The following P3H2 variants were observed in gnomAD, a reference collection of about 807,000 sequenced individuals.
P3H2 encodes the protein prolyl 3-hydroxylase 2, also known as leprecan-like 1.
A neutral mutation model predicts 87.0 loss-of-function variants in P3H2; 80 were observed. That is an observed-to-expected ratio of 0.92 (90% confidence interval 0.77 to 1.11). The LOEUF (loss-of-function observed/expected upper bound fraction) is 1.11. Among genes scored for constraint, P3H2 ranks in the 50% least tolerant of loss-of-function variants. The probability of loss-of-function intolerance (pLI) is 0.00; values close to 1 mark genes in which losing one functional copy is unlikely to be tolerated. For synonymous variants in P3H2, 367 were observed against 359.3 expected, an observed-to-expected ratio of 1.02 and a Z score of -0.24; for missense variants, 1,001 against 923.9, an observed-to-expected ratio of 1.08 and a Z score of -1.08.
chr3:190,103,783 G>A (rs1322580815), intron 1 of P3H2, among the ~76,000 whole-genome samples: 2 of 152,020 alleles, frequency 1.3e-5, no homozygotes, highest in African/African-American at 4.8e-5. Flanking sequence ...TTCAACATTA[G>A]AAAAGTTTTT....
intron 14 of P3H2, chr3:189,963,534 TCC>T: frequency 9.6e-6 from 2 of 207,292 alleles, no homozygotes; most frequent in Non-Finnish European, 2.0e-5. Context: ...AATTTACGCC[TCC>T]CAGGTTCAAG....
intron 1 of P3H2, among the ~76,000 whole-genome samples, chr3:190,044,812 T>C (rs1252911198): frequency 6.6e-6 from 1 of 152,198 alleles, no homozygotes; most frequent in Non-Finnish European, 1.5e-5. Context: ...CTATTGTCAC[T>C]ATGATTTAGC....
chr3:190,073,081 T>C (rs924861541), intron 1 of P3H2, among the ~76,000 whole-genome samples: 1 of 152,290 alleles, frequency 6.6e-6, no homozygotes, highest in East Asian at 1.9e-4. Context: ...ATAGAAACAG[T>C]AGTTTGTGAT....
chr3:190,114,329 G>T (rs947350879), intron 1 of P3H2, among the ~76,000 whole-genome samples: 3 of 150,358 alleles, frequency 2.0e-5, no homozygotes, highest in Non-Finnish European at 4.4e-5. Flanking sequence ...GACTACAGGC[G>T]CCTGCCACCA....
At chr3:190,030,697 G>A (rs1056249648) in intron 1 of P3H2, among the ~76,000 whole-genome samples, 1 of 152,244 alleles carries the variant, frequency 6.6e-6, no homozygotes, top group South Asian at 2.1e-4. Flanking sequence ...AGTAATGAAA[G>A]TAAACATGCT....
chr3:190,023,451 G>T (rs1471917624), intron 1 of P3H2, among the ~76,000 whole-genome samples: 1 of 152,174 alleles, frequency 6.6e-6, no homozygotes, highest in Non-Finnish European at 1.5e-5. Flanking sequence ...GATGGCGAAG[G>T]GGAAGCAATG....
intron 1 of P3H2, among the ~76,000 whole-genome samples, chr3:190,095,803 C>T (rs1039645711): frequency 3.3e-5 from 5 of 151,944 alleles, no homozygotes; most frequent in African/African-American, 9.7e-5. Flanking sequence ...GGGGTTTCAC[C>T]ATGTTAGCCA....
chr3:190,066,158 T>TATATATATATATATACAC (rs1256956930), intron 1 of P3H2, among the ~76,000 whole-genome samples: 2 of 134,600 alleles, frequency 1.5e-5, no homozygotes, highest in Admixed American at 7.4e-5. Flanking sequence ...TATATATATA[T>TATATATATATATATACAC]ACACACACAC....
chr3:190,044,481 G>A (rs182957618), intron 1 of P3H2, among the ~76,000 whole-genome samples: 79 of 152,272 alleles, frequency 5.2e-4, no homozygotes, highest in South Asian at 3.1e-3. Context: ...CATCTGCCTC[G>A]CTTGTGGTCC....
chr3:190,025,400 T>A (rs577271030), intron 1 of P3H2, among the ~76,000 whole-genome samples: 41 of 152,340 alleles, frequency 2.7e-4, no homozygotes, highest in African/African-American at 8.4e-4. Flanking sequence ...TAGTCAAGAC[T>A]GTACACTCTA....
intron 1 of P3H2, among the ~76,000 whole-genome samples, chr3:190,030,909 TCAC>T (rs1725232132): frequency 6.6e-6 from 1 of 152,190 alleles, no homozygotes; most frequent in South Asian, 2.1e-4. Context: ...TTGGAAAACA[TCAC>T]TTTGATCTTA....
At chr3:189,996,903 T>G (rs1468858551) in intron 1 of P3H2, among the ~76,000 whole-genome samples, 2 of 152,204 alleles carry the variant, frequency 1.3e-5, no homozygotes, top group Non-Finnish European at 2.9e-5. Flanking sequence ...AAAAAAGAAT[T>G]TTGAACCACC....
chr3:190,040,096 G>C (rs958840581), intron 1 of P3H2, among the ~76,000 whole-genome samples: 5 of 152,088 alleles, frequency 3.3e-5, no homozygotes, highest in South Asian at 2.1e-4. Context: ...AATAATTCAA[G>C]ATGCGTATCT....
chr3:189,961,435 C>T (rs1722807555), intron 14 of P3H2, among the ~76,000 whole-genome samples: 1 of 152,036 alleles, frequency 6.6e-6, no homozygotes, highest in African/African-American at 2.4e-5. Context: ...GAACTGAGAC[C>T]CTTTAAAGTA....
At chr3:190,070,664 A>G (rs1267903034) in intron 1 of P3H2, among the ~76,000 whole-genome samples, 2 of 152,206 alleles carry the variant, frequency 1.3e-5, no homozygotes, top group African/African-American at 4.8e-5. Context: ...CCCTTCTCAC[A>G]TTAAAGTTCT....
intron 1 of P3H2, among the ~76,000 whole-genome samples, chr3:190,059,868 C>A (rs61325810): frequency 0.13 from 19,074 of 152,054 alleles, 1,484 homozygotes; most frequent in Middle Eastern, 0.22. Flanking sequence ...GATTCCTTCT[C>A]GTCATCTGAG....
intron 10 of P3H2, among the ~76,000 whole-genome samples, chr3:189,973,430 T>C (rs1234830362): frequency 6.6e-6 from 1 of 151,656 alleles, no homozygotes; most frequent in African/African-American, 2.4e-5. Context: ...TTAACTACAA[T>C]GAAGGTTTCA....
intron 1 of P3H2, among the ~76,000 whole-genome samples, chr3:190,041,962 T>C (rs1283077728): frequency 6.6e-6 from 1 of 152,222 alleles, no homozygotes; most frequent in South Asian, 2.1e-4. Flanking sequence ...TAGAACAGCA[T>C]ATGCATGGAA....
intron 1 of P3H2, among the ~76,000 whole-genome samples, chr3:190,003,715 T>G (rs1724291921): frequency 6.6e-6 from 1 of 152,202 alleles, no homozygotes; most frequent in Non-Finnish European, 1.5e-5. Context: ...GTGCATGGTC[T>G]ATTGGTATGT....
Sources: allele counts gnomAD v4.1 joint callset (sites outside exome capture counted in the v4.1 genomes callset), GRCh38; gene constraint gnomAD v4.1.1; transcripts MANE v1.5; gene names NCBI Gene and HGNC (gene_info 2026-07-23, HGNC 2026-07-21).